Variants in GUCY1A2 observed in about 807,000 individuals in gnomAD.
GUCY1A2 encodes guanylate cyclase soluble subunit alpha-2.
In GUCY1A2, 27 loss-of-function variants were observed where a neutral mutation model predicts 63.5. The ratio of observed to expected loss-of-function variants is 0.43; its 90% CI spans 0.31 to 0.59. GUCY1A2 has a LOEUF of 0.59. Among genes scored for constraint, GUCY1A2 ranks in the 20% least tolerant of loss-of-function variants. GUCY1A2 has a pLI of 0.11. For missense variants in GUCY1A2, 768 were observed against 913.3 expected (o/e 0.84, Z 2.05); for synonymous variants, 364 against 343.5 (o/e 1.06, Z -0.66).
intron 6 of GUCY1A2, among the ~76,000 whole-genome samples, chr11:106,723,694 A>G (rs1565269570): frequency 6.6e-6 from 1 of 152,174 alleles, no homozygotes; most frequent in Non-Finnish European, 1.5e-5. Context: ...ATGGTGGCGC[A>G]TGCCTGTAGT....
intron 4 of GUCY1A2, among the ~76,000 whole-genome samples, chr11:106,897,847 T>C (rs976627663): frequency 6.6e-6 from 1 of 151,870 alleles, no homozygotes; most frequent in East Asian, 1.9e-4. Flanking sequence ...TTAAAAAAAT[T>C]GATGAACTTG....
intron 6 of GUCY1A2, among the ~76,000 whole-genome samples, chr11:106,752,684 A>G (rs1461727347): frequency 6.6e-6 from 1 of 152,206 alleles, no homozygotes; most frequent in African/African-American, 2.4e-5. Flanking sequence ...TGCAAAGGAC[A>G]TGAAGTCATC....
chr11:106,978,560 C>A, intron 3 of GUCY1A2, 59 bp downstream of exon 3: 1 of 1,201,226 alleles, frequency 8.3e-7, no homozygotes, highest in Non-Finnish European at 1.2e-6. Context: ...ACACTTCCAC[C>A]TCGACTTTCC....
intron 6 of GUCY1A2, among the ~76,000 whole-genome samples, chr11:106,755,019 AT>A (rs1193180791): frequency 6.6e-6 from 1 of 152,076 alleles, no homozygotes; most frequent in Admixed American, 6.6e-5. Context: ...TATTGCCTCA[AT>A]TTGAGAAACT....
In GUCY1A2 at chr11:106,917,946, A is replaced by G. The variant is rs181832334; in HGVS notation, c.1206+21514T>C. Among the ~76,000 whole-genome samples, 98 of 144,256 alleles carry G rather than the reference A, an allele frequency of 6.8e-4. 20 individuals carry two copies. In the East Asian group the frequency reaches 0.02, roughly 29 times the overall value. The allele number at this position is 144,256 out of a possible 152,430, so 94.6% of individuals were successfully genotyped here. A position where few individuals can be genotyped will look rare whatever the true frequency, so the allele number is the denominator to read the frequency against. On this transcript the variant is annotated intron_variant, in intron 4 of 7. Coordinates refer to ENST00000526355, the MANE Select transcript of GUCY1A2 (RefSeq NM_000855.3). ...TACCCTAAAACTTAAAGTATAAAAA[A>G]AAAAAAAAGAAATTAGCAAAGCCCA...
At chr11:106,982,066 C>G (rs938906105) in intron 2 of GUCY1A2, among the ~76,000 whole-genome samples, 27 of 152,036 alleles carry the variant, frequency 1.8e-4, no homozygotes, top group African/African-American at 5.1e-4. Context: ...TAAACTTCAC[C>G]ACAACCCTGT....
At chr11:106,696,509 T>G (rs534150882) in intron 7 of GUCY1A2, among the ~76,000 whole-genome samples, 93 of 152,292 alleles carry the variant, frequency 6.1e-4, no homozygotes, top group African/African-American at 2.1e-3. Flanking sequence ...AAATTAATAT[T>G]AGTTGATTTC....
At chr11:106,795,600 G>A (rs976933529) in intron 5 of GUCY1A2, among the ~76,000 whole-genome samples, 11 of 151,232 alleles carry the variant, frequency 7.3e-5, no homozygotes, top group African/African-American at 1.2e-4. Flanking sequence ...GTCTCACAGC[G>A]ATTTTGTTTC....
intron 3 of GUCY1A2, among the ~76,000 whole-genome samples, chr11:106,941,420 T>C (rs767812660): frequency 6.6e-6 from 1 of 152,086 alleles, no homozygotes; most frequent in Non-Finnish European, 1.5e-5. Flanking sequence ...ATACAAAAGA[T>C]TTTGGCCTGC....
At chr11:106,769,137 C>CA (rs59832285) in intron 6 of GUCY1A2, among the ~76,000 whole-genome samples, 24,567 of 151,032 alleles carry the variant, frequency 0.16, 2,243 homozygotes, top group East Asian at 0.29. Context: ...AGCATTCAAA[C>CA]AAAAAAAAGT....
At chr11:106,733,085 AGC>A (rs1471996472) in intron 6 of GUCY1A2, among the ~76,000 whole-genome samples, 1 of 152,174 alleles carries the variant, frequency 6.6e-6, no homozygotes, top group Non-Finnish European at 1.5e-5. Context: ...CTTGTTTTCC[AGC>A]GAGTAACATA....
chr11:106,807,294 A>T (rs1480054518), intron 5 of GUCY1A2, among the ~76,000 whole-genome samples: 1 of 152,222 alleles, frequency 6.6e-6, no homozygotes, highest in East Asian at 1.9e-4. Flanking sequence ...ATGGTTTAAA[A>T]TAGCACTGTG....
chr11:107,018,090 C>T lies in GUCY1A2; in HGVS notation c.-35G>A. 2 of 1,375,062 alleles carry T rather than the reference C, an allele frequency of 1.5e-6. No homozygotes were observed. The highest frequency in any genetic ancestry group is 9.6e-7 in the Non-Finnish European group (1 of 1,043,438). 85.2% of individuals were successfully genotyped at this position (1,375,062 alleles called of 1,614,324 possible). The stretch of plus-strand genomic sequence containing the variant: ...GGAGCTGCAGCGGCCGAGGCGGTGG[C>T]GGCGAGGACGCGAGCGGCGGCGGAG... On this transcript the variant is annotated 5_prime_UTR_variant, in exon 1 of 8. Transcript: ENST00000526355.
At chr11:107,014,825 G>A (rs1248343590) in intron 1 of GUCY1A2, among the ~76,000 whole-genome samples, 1 of 152,146 alleles carries the variant, frequency 6.6e-6, no homozygotes, top group African/African-American at 2.4e-5. Flanking sequence ...GTGATGGCAT[G>A]CAAGAAAGCT....
chr11:106,916,962 T>C lies in GUCY1A2; in HGVS notation c.1206+22498A>G, dbSNP rs1860377823. 6.2e-5 allele frequency among the ~76,000 whole-genome samples: 9 copies of C among 146,016 alleles called. 2 individuals are homozygous for C. Among genetic ancestry groups the C allele is most frequent in the Admixed American group, 6.1e-4 (9 of 14,678 alleles). ...TAAAACATTTAATGAGAATCTATTATGTAATTAAAATGTTGTTCTAGGAGC... is the reference window on the plus strand; with the variant it reads ...TAAAACATTTAATGAGAATCTATTACGTAATTAAAATGTTGTTCTAGGAGC... On this transcript the variant is annotated intron_variant, in intron 4 of 7. Coordinates refer to ENST00000526355, the MANE Select transcript of GUCY1A2 (RefSeq NM_000855.3).
At chr11:106,859,278 G>T (rs892906709) in intron 4 of GUCY1A2, among the ~76,000 whole-genome samples, 3 of 149,694 alleles carry the variant, frequency 2.0e-5, no homozygotes, top group Non-Finnish European at 4.5e-5. Context: ...TGGTATTTTT[G>T]TATGAACATT....
chr11:106,884,640 G>A (rs1270120369), intron 4 of GUCY1A2, among the ~76,000 whole-genome samples: 1 of 151,950 alleles, frequency 6.6e-6, no homozygotes, highest in Non-Finnish European at 1.5e-5. Context: ...AAAGAAAGAA[G>A]GTATTTCAAG....
intron 4 of GUCY1A2, among the ~76,000 whole-genome samples, chr11:106,813,821 C>T (rs1012986042): frequency 6.6e-6 from 1 of 152,076 alleles, no homozygotes; most frequent in African/African-American, 2.4e-5. Context: ...TAACTCAACA[C>T]ATCTGTGAGT....
intron 4 of GUCY1A2, among the ~76,000 whole-genome samples, chr11:106,888,475 GA>G (rs147826868): frequency 4.6e-4 from 69 of 150,216 alleles, no homozygotes; most frequent in African/African-American, 1.6e-3. Context: ...AAAAAAGAAA[GA>G]AAAAAAAATG....
Sources: gnomAD v4.1 joint callset for allele counts (sites outside exome capture counted in the v4.1 genomes callset) on GRCh38, gnomAD v4.1.1 for gene constraint, MANE v1.5 for transcripts, NCBI Gene and HGNC (gene_info 2026-07-23, HGNC 2026-07-21) for gene names.